The following FAM186B variants were observed in gnomAD, a reference collection of about 807,000 sequenced individuals.
FAM186B encodes family with sequence similarity 186 member B.
Under a neutral mutation model 83.4 loss-of-function variants are expected in FAM186B, and 68 were observed. The observed-to-expected ratio is 0.81, with a 90% CI of 0.67 to 1.00. The LOEUF (loss-of-function observed/expected upper bound fraction) is 1.00. Ranked by LOEUF, FAM186B falls within the 50% of genes least tolerant of loss-of-function variation. The pLI is 0.00. For synonymous variants in FAM186B, 389 were observed against 422.0 expected (o/e 0.92, Z 0.96); for missense variants, 983 against 1,099.2 (o/e 0.89, Z 1.49).
chr12:49,589,961 T>C (rs1466153958), intron 5 of FAM186B, among the ~76,000 whole-genome samples: 1 of 117,900 alleles, frequency 8.5e-6, no homozygotes, highest in Admixed American at 1.2e-4. Context: ...AGCCTGGCAA[T>C]AGCGAGACTC....
At chr12:49,593,265 C>T (rs770883615) in intron 5 of FAM186B, 1 of 150,114 alleles carries the variant, frequency 6.7e-6, no homozygotes, top group Non-Finnish European at 1.5e-5. Context: ...GTATACCATG[C>T]AAATAGTAAA....
chr12:49,605,569 C>A lies in FAM186B; in HGVS notation c.-92G>T. 1 of 1,403,874 alleles carries A rather than the reference C, an allele frequency of 7.1e-7. No individual in the cohort carries two copies. Among genetic ancestry groups the A allele is most frequent in the South Asian group, 1.4e-5 (1 of 72,402 alleles). The allele number at this position is 1,403,874 out of a possible 1,614,324, so 87.0% of individuals were successfully genotyped here. ...TGCCTGCTTTGGAGGTTAAGGGCAC[C>A]AGGGTGTCTCCTGGGTACCCTCTGC... On this transcript the variant is annotated 5_prime_UTR_variant, in exon 1 of 7. Coordinates refer to ENST00000257894, the MANE Select transcript of FAM186B (RefSeq NM_032130.3).
Position 49,599,613 on chromosome 12 carries a change from A to G in FAM186B, c.2027T>C (p.Leu676Pro). 1 of 1,611,050 alleles carries G rather than the reference A, an allele frequency of 6.2e-7. No homozygotes were observed. Among genetic ancestry groups the G allele is most frequent in the Non-Finnish European group, 8.5e-7 (1 of 1,178,472 alleles). Residue 676 changes from leucine to proline, a missense_variant, in exon 4 of 7, where the codon CTG becomes CCG. Transcript: ENST00000257894. ...MEAQRKNLQL[L>P]SEESELRLPH... ...CAGCCTCAACTCAGACTCCTCACTC[A>G]GGAGCTGCAGGTTCTTCCTCTGGGC...
chr12:49,597,007 G>C (rs1252956873), intron 5 of FAM186B, among the ~76,000 whole-genome samples: 2 of 152,180 alleles, frequency 1.3e-5, no homozygotes, highest in African/African-American at 4.8e-5. Flanking sequence ...TATCTTTACT[G>C]TACTTTTTCT....
At chr12:49,587,893 C>T in intron 6 of FAM186B, 141 bp from the exon 7 acceptor site, 1 of 911,136 alleles carries the variant, frequency 1.1e-6, no homozygotes, top group Non-Finnish European at 1.6e-6. Flanking sequence ...CCTCATCTCC[C>T]CTCCAACACT....
chr12:49,583,999 C>T (rs796366206), downstream of FAM186B: 26 of 159,534 alleles, frequency 1.6e-4, no homozygotes, highest in African/African-American at 6.2e-4. Flanking sequence ...CCACCTTTGT[C>T]CTCAGAGACA....
chr12:49,608,016 T>C (rs1182803331), upstream of FAM186B, among the ~76,000 whole-genome samples: 1 of 151,728 alleles, frequency 6.6e-6, no homozygotes, highest in African/African-American at 2.4e-5. Flanking sequence ...AGCATTATCT[T>C]GGTACCAAAA....
At chr12:49,606,052 G>A (rs977238573), upstream of FAM186B, among the ~76,000 whole-genome samples, 2 of 151,982 alleles carry the variant, frequency 1.3e-5, no homozygotes, top group African/African-American at 2.4e-5. Context: ...GTGAGCCACC[G>A]TGCCCGGCCT....
upstream of FAM186B, among the ~76,000 whole-genome samples, chr12:49,609,373 C>T (rs1466585218): frequency 6.6e-6 from 1 of 152,222 alleles, no homozygotes; most frequent in Non-Finnish European, 1.5e-5. Flanking sequence ...TGTGCAGACA[C>T]TCTAGTGAAG....
intron 5 of FAM186B, among the ~76,000 whole-genome samples, chr12:49,593,584 A>G (rs148969332): frequency 2.6e-5 from 4 of 151,538 alleles, no homozygotes; most frequent in South Asian, 2.1e-4. Flanking sequence ...CAGTGAGCCA[A>G]CCAAGATGGT....
upstream of FAM186B, among the ~76,000 whole-genome samples, chr12:49,608,240 C>T (rs144250764): frequency 2.7e-5 from 4 of 150,222 alleles, no homozygotes; most frequent in African/African-American, 9.8e-5. Flanking sequence ...CCTGTAATCC[C>T]AGCACTTTGG....
At chr12:49,583,186 T>G (rs781382662), downstream of FAM186B, 1 of 405,278 alleles carries the variant, frequency 2.5e-6, no homozygotes, top group Non-Finnish European at 5.0e-6. Flanking sequence ...TATGAAATCT[T>G]TATAAAACAT....
At chr12:49,588,403 C>T in intron 6 of FAM186B, 51 bp downstream of exon 6, 9 of 1,567,022 alleles carry the variant, frequency 5.7e-6, no homozygotes, top group Non-Finnish European at 5.2e-6. Flanking sequence ...ACCCCTGCTC[C>T]CTGCCTCTTC....
intron 4 of FAM186B, 65 bp from the exon 5 acceptor site, chr12:49,599,012 C>T: frequency 2.7e-6 from 4 of 1,499,462 alleles, no homozygotes; most frequent in Non-Finnish European, 2.7e-6. Flanking sequence ...AGTCTGTTAA[C>T]CAGAGATGAC....
chr12:49,613,371 CAA>C, the FAM186B span, among the ~76,000 whole-genome samples: 104 of 150,962 alleles, frequency 6.9e-4, no homozygotes, highest in East Asian at 9.0e-3. Context: ...ACTAAAAATA[CAA>C]AAAATTAGCC....
rs767793359 is a variant in FAM186B, at chr12:49,599,458, G to A, written c.2171+11C>T. On this transcript the variant is annotated intron_variant, in intron 4 of 6. Coordinates refer to ENST00000257894, the MANE Select transcript of FAM186B (RefSeq NM_032130.3). The stretch of plus-strand genomic sequence containing the variant: ...CAGGTGGGTGCCAGGTGGGTTCCAG[G>A]GAGGACCTACCGGAGGCTCTGGAGG... 2 of 1,521,194 alleles carry A rather than the reference G, an allele frequency of 1.3e-6. No individual in the cohort carries two copies. The highest frequency in any genetic ancestry group is 1.8e-6 in the Non-Finnish European group (2 of 1,137,148). The allele number at this position is 1,521,194 out of a possible 1,614,324, so 94.2% of individuals were successfully genotyped here.
the FAM186B span, among the ~76,000 whole-genome samples, chr12:49,611,633 G>A: frequency 9.5e-5 from 1 of 10,548 alleles, no homozygotes; most frequent in African/African-American, 4.0e-4. Flanking sequence ...GGCCGAGGCG[G>A]GTGGATCACG....
downstream of FAM186B, chr12:49,584,403 C>G (rs1377500318): frequency 2.9e-6 from 2 of 679,058 alleles, no homozygotes; most frequent in Non-Finnish European, 5.4e-6. Flanking sequence ...AAAGCACCAG[C>G]TGGGAACCTG....
At chr12:49,619,667 CTTTTTTTT>C in the FAM186B span, 57 of 145,966 alleles carry the variant, frequency 3.9e-4, no homozygotes, top group South Asian at 1.3e-3. Context: ...TTAGACATCT[CTTTTTTTT>C]TTTTTTTTTT....
Sources: gnomAD v4.1 joint callset for allele counts (sites outside exome capture counted in the v4.1 genomes callset) on GRCh38, gnomAD v4.1.1 for gene constraint, MANE v1.5 for transcripts, NCBI Gene and HGNC (gene_info 2026-07-23, HGNC 2026-07-21) for gene names.